The following CERCAM variants were observed in gnomAD, a reference collection of about 807,000 sequenced individuals.
CERCAM encodes the protein cerebral endothelial cell adhesion molecule.
In CERCAM, 59 loss-of-function variants were observed where a neutral mutation model predicts 66.0. The observed-to-expected ratio is 0.89, with a 90% CI of 0.73 to 1.11. CERCAM has a LOEUF of 1.11. Ranked by LOEUF, CERCAM falls within the 50% of genes most tolerant of loss-of-function variation. The probability of loss-of-function intolerance (pLI) is 0.00; values close to 1 mark genes in which losing one functional copy is unlikely to be tolerated. For synonymous variants in CERCAM, 318 were observed against 343.6 expected (o/e 0.93, Z 0.83); for missense variants, 840 against 828.3 (o/e 1.01, Z -0.17).
At chr9:128,436,607 T>C (rs575192746) in intron 12 of CERCAM, among the ~76,000 whole-genome samples, 1 of 152,132 alleles carries the variant, frequency 6.6e-6, no homozygotes, top group East Asian at 1.9e-4. Flanking sequence ...TTTCAACTCC[T>C]GACCTCAAAT....
Position 128,434,513 on chromosome 9 carries a change from C to T in CERCAM, c.1435C>T (p.Leu479=). ...CTCCTACTGGACGCTGGCCTATGCC[C>T]TGCGTCTGGCGGGTGCCCGCAAGCT... ...GYSYWTLAYA[L]RLAGARKLLA... is the part of the protein sequence containing the mutation. The change falls in exon 11 of 13, where the codon CTG becomes TTG. Residue 479 remains leucine (L), a synonymous_variant. Coordinates refer to ENST00000372838, the MANE Select transcript of CERCAM (RefSeq NM_016174.5). This position sits in a 1 kb window ranked among gnomAD's most constrained non-coding sequence, Gnocchi z 4.5. 6.2e-7 allele frequency: 1 copy of T among 1,613,384 alleles called. No individual in the cohort carries two copies. The highest frequency in any genetic ancestry group is 8.5e-7 in the Non-Finnish European group (1 of 1,180,004).
chr9:128,428,980 C>G lies in CERCAM; in HGVS notation c.1014C>G (p.Leu338=). The part of the protein sequence containing the change: ...ARRPDRRERM[L]ASLWEMEISG... ...GGCCTGACCGTCGGGAACGCATGCT[C>G]GCCTCGCTCTGGGAGATGGAGATCT... The change falls in exon 8 of 13, where the codon CTC becomes CTG. Residue 338 remains leucine (L), a synonymous_variant. Transcript: ENST00000372838. 1 of 1,611,270 alleles carries G rather than the reference C, an allele frequency of 6.2e-7. No homozygotes were observed. The highest frequency in any genetic ancestry group is 2.2e-5 in the East Asian group (1 of 44,828).
At chr9:128,431,112 G>A in intron 8 of CERCAM, 59 bp from the exon 9 acceptor site, 1 of 1,593,066 alleles carries the variant, frequency 6.3e-7, no homozygotes. Context: ...CACAGGCCTG[G>A]CCCCTCTGGA....
intron 5 of CERCAM, 48 bp downstream of exon 5, chr9:128,424,662 T>C: frequency 6.5e-7 from 1 of 1,547,292 alleles, no homozygotes; most frequent in Non-Finnish European, 8.9e-7. Flanking sequence ...TCTGCACATT[T>C]GCACATGCTA....
At chr9:128,419,561 A>G (rs1213740155), upstream of CERCAM, 1 of 152,278 alleles carries the variant, frequency 6.6e-6, no homozygotes, top group Non-Finnish European at 1.5e-5. Flanking sequence ...AAACCCTCCC[A>G]GATGGGTGGC....
chr9:128,419,369 G>C (rs1391999068), upstream of CERCAM: 2 of 152,310 alleles, frequency 1.3e-5, no homozygotes, highest in Non-Finnish European at 2.9e-5. Context: ...CCTGGGAAAA[G>C]GCTGAAGGGA....
intron 5 of CERCAM, 77 bp downstream of exon 5, chr9:128,424,691 C>A: frequency 7.7e-7 from 1 of 1,302,258 alleles, no homozygotes; most frequent in Middle Eastern, 1.8e-4. Flanking sequence ...GCTTACCATG[C>A]CCTTCCCTAC....
upstream of CERCAM, chr9:128,419,839 A>G (rs1408569518): frequency 6.6e-6 from 1 of 151,066 alleles, no homozygotes; most frequent in Non-Finnish European, 1.5e-5. Context: ...TTCTACACTC[A>G]GACCAAGAGA....
chr9:128,433,698 A>T (rs2131342789), intron 9 of CERCAM, among the ~76,000 whole-genome samples: 1 of 152,292 alleles, frequency 6.6e-6, no homozygotes, highest in South Asian at 2.1e-4. Flanking sequence ...GGTGTTCAGC[A>T]GATGCGGGTT....
At chr9:128,422,813 T>C (rs922654445) in intron 1 of CERCAM, 55 bp from the exon 2 acceptor site, 1 of 1,597,850 alleles carries the variant, frequency 6.3e-7, no homozygotes. Flanking sequence ...CAAGGCTGCC[T>C]TGGGGTTCAA....
Position 128,431,264 on chromosome 9 carries a change from GGTGGGC to G in CERCAM, c.1165_1170del (p.Val389_Gly390del). The stretch of plus-strand genomic sequence containing the variant: ...CGGGCCGCACTCTGACCAAGGGCGA[GGTGGGC>G]TGCTTCCTCAGCCATTACTCCATCT... On this transcript the variant is annotated inframe_deletion, in exon 9 of 13. Coordinates refer to ENST00000372838, the MANE Select transcript of CERCAM (RefSeq NM_016174.5). The G allele has an allele frequency of 6.2e-7, 1 of 1,614,114 alleles. No individual in the cohort carries two copies. Among genetic ancestry groups the G allele is most frequent in the Middle Eastern group, 1.6e-4 (1 of 6,062 alleles).
In CERCAM at chr9:128,424,389, C is replaced by T. The variant is rs374604761; in HGVS notation, c.562-21C>T. The T allele has an allele frequency of 2.2e-5, 35 of 1,613,672 alleles. No homozygotes were observed. The African/African-American group carries it at 3.3e-4, about 15-fold the overall frequency. On this transcript the variant is annotated intron_variant, in intron 4 of 12. Coordinates refer to ENST00000372838, the MANE Select transcript of CERCAM (RefSeq NM_016174.5). ...GGGGCAGGGGAGCCCTCTCACAGCC[C>T]AAAGCATCCCTTTTCCCCAGGGCTA...
intron 2 of CERCAM, 80 bp downstream of exon 2, chr9:128,423,058 A>G: frequency 2.5e-6 from 4 of 1,608,134 alleles, no homozygotes; most frequent in Non-Finnish European, 3.4e-6. Context: ...GCCCAGAGCC[A>G]CAGCCTCCAA....
At chr9:128,420,751 A>G (rs1386598825), upstream of CERCAM, 1 of 291,934 alleles carries the variant, frequency 3.4e-6, no homozygotes, top group Middle Eastern at 1.0e-3. This position sits in a 1 kb window ranked among gnomAD's most constrained non-coding sequence, Gnocchi z 5.0. Context: ...GCAGGATCCC[A>G]CTCTGAGGGT....
At chr9:128,431,822 C>T (rs1833983227) in intron 9 of CERCAM, 2 of 153,912 alleles carry the variant, frequency 1.3e-5, no homozygotes, top group Admixed American at 6.5e-5. Flanking sequence ...TGGGGCTTAG[C>T]ATGTGCTCAG....
At chr9:128,429,194 G>C (rs557680864) in intron 8 of CERCAM, among the ~76,000 whole-genome samples, 158 bp downstream of exon 8, 2 of 152,094 alleles carry the variant, frequency 1.3e-5, no homozygotes, top group Non-Finnish European at 2.9e-5. Context: ...AGGGAGTTCC[G>C]GAGCAGACAC....
upstream of CERCAM, among the ~76,000 whole-genome samples, chr9:128,419,433 G>C (rs1055570711): frequency 2.0e-5 from 3 of 152,128 alleles, no homozygotes; most frequent in Non-Finnish European, 2.9e-5. Flanking sequence ...GAGGGTGAAG[G>C]GGGAGCCTCC....
At chr9:128,433,635 C>T (rs1834031855) in intron 9 of CERCAM, among the ~76,000 whole-genome samples, 1 of 146,780 alleles carries the variant, frequency 6.8e-6, no homozygotes, top group East Asian at 2.2e-4. Context: ...AGTGAAACTT[C>T]GTCTCAAAAA....
In CERCAM at chr9:128,428,335, A is replaced by G. The variant is rs767833238; in HGVS notation, c.800A>G (p.Tyr267Cys). The part of the protein sequence containing the change: ...VSVHVCNEHR[Y>C]GYMNVPVKSH... ...GTCCACGTGTGCAATGAGCACCGTT[A>G]TGGGTACATGAATGTGCCGGTGAAA... The change falls in exon 6 of 13, where the codon TAT becomes TGT. Residue 267 changes from tyrosine (Y) to cysteine (C), a missense_variant. Coordinates refer to ENST00000372838, the MANE Select transcript of CERCAM (RefSeq NM_016174.5). 3.9e-5 allele frequency: 63 copies of G among 1,614,036 alleles called. No individual in the cohort carries two copies. The highest frequency in any genetic ancestry group is 5.0e-5 in the Non-Finnish European group (59 of 1,180,028).
Sources: gnomAD v4.1 joint callset for allele counts (sites outside exome capture counted in the v4.1 genomes callset) on GRCh38, gnomAD v4.1.1 for gene constraint, Gnocchi (gnomAD v3.1) non-coding constraint, MANE v1.5 for transcripts, NCBI Gene and HGNC (gene_info 2026-07-23, HGNC 2026-07-21) for gene names.